Variants in NLRP1 observed in about 807,000 individuals in gnomAD.
NLRP1 encodes the protein NACHT, LRR and PYD domains-containing protein 1.
Under a neutral mutation model 136.7 loss-of-function variants are expected in NLRP1, and 94 were observed. The ratio of observed to expected loss-of-function variants is 0.69; its 90% confidence interval spans 0.58 to 0.82. NLRP1 has a LOEUF of 0.82. Ranked by LOEUF, NLRP1 falls within the 40% of genes least tolerant of loss-of-function variation. The pLI is 0.00. For missense variants in NLRP1, 1,575 were observed against 1,802.7 expected (o/e 0.87, Z 2.29); for synonymous variants, 690 against 725.1 (o/e 0.95, Z 0.78).
chr17:5,503,294 C>T (rs1907178640), intron 15 of NLRP1: 1 of 152,122 alleles, frequency 6.6e-6, no homozygotes, highest in East Asian at 1.9e-4. Context: ...CCCAAACCTA[C>T]CTATGCAGCT....
In NLRP1 at chr17:5,581,902, C is replaced by G. The variant is rs764778140; in HGVS notation, c.609G>C (p.Gly203=). The G allele has an allele frequency of 6.2e-7, 1 of 1,613,288 alleles. No individual in the cohort carries two copies. Among genetic ancestry groups the G allele is most frequent in the Non-Finnish European group, 8.5e-7 (1 of 1,179,982 alleles). Reference sequence around the variant, plus strand: ...ACGTTTCATCCAGAGGCCATTGGGTCCCAGGAGCCTCCTGCTCTCTGGGTG... The same window carrying G: ...ACGTTTCATCCAGAGGCCATTGGGTGCCAGGAGCCTCCTGCTCTCTGGGTG... The part of the protein sequence containing the change: ...SLAPREQEAP[G]TQWPLDETSG... The change falls in exon 3 of 17, where the codon GGG becomes GGC. Residue 203 remains glycine, a synonymous_variant. Coordinates refer to ENST00000572272, the MANE Select transcript of NLRP1 (RefSeq NM_033004.4).
At chr17:5,569,077 A>G (rs184852737) in intron 3 of NLRP1, among the ~76,000 whole-genome samples, 73 of 152,310 alleles carry the variant, frequency 4.8e-4, no homozygotes, top group Admixed American at 2.4e-3. Flanking sequence ...GCAAATGCTA[A>G]GGGAATTTAT....
At chr17:5,516,894 G>C (rs1356615850) in intron 15 of NLRP1, among the ~76,000 whole-genome samples, 1 of 152,198 alleles carries the variant, frequency 6.6e-6, no homozygotes, top group African/African-American at 2.4e-5. Flanking sequence ...GCTGACTAGG[G>C]ATGGTTGTCC....
At chr17:5,531,005 G>A (rs1257746729) in intron 11 of NLRP1, among the ~76,000 whole-genome samples, 1 of 152,178 alleles carries the variant, frequency 6.6e-6, no homozygotes, top group Non-Finnish European at 1.5e-5. Context: ...ACACGCCTGG[G>A]AGCTGTGAAC....
intron 2 of NLRP1, 87 bp from the exon 3 acceptor site, chr17:5,582,149 G>A (rs1905734746): frequency 9.7e-7 from 1 of 1,026,254 alleles, no homozygotes; most frequent in East Asian, 2.6e-5. Context: ...CAACAGTCCT[G>A]AGAGATGGGT....
intron 15 of NLRP1, among the ~76,000 whole-genome samples, chr17:5,508,929 G>A (rs1907489649): frequency 6.6e-6 from 1 of 152,158 alleles, no homozygotes; most frequent in African/African-American, 2.4e-5. Flanking sequence ...ATTAGTTTCT[G>A]TGCAACAAGG....
intron 3 of NLRP1, among the ~76,000 whole-genome samples, chr17:5,579,389 G>A (rs1295951044): frequency 6.6e-6 from 1 of 151,794 alleles, no homozygotes; most frequent in African/African-American, 2.4e-5. Context: ...CCCATAATGA[G>A]GTACTATTCT....
rs779427210 is a variant in NLRP1, at chr17:5,530,452, C to T, written c.3520+29G>A. 6 of 1,590,200 alleles carry T rather than the reference C, an allele frequency of 3.8e-6. No individual in the cohort carries two copies. The Admixed American group carries it at 5.0e-5, about 13-fold the overall frequency. ...CTTTCAGGCCCATAATTACCACCAC[C>T]TTCCTCCCTATCCTTCCCTGTTGTT... On this transcript the variant is annotated intron_variant, in intron 12 of 16. Coordinates refer to ENST00000572272, the MANE Select transcript of NLRP1 (RefSeq NM_033004.4).
Position 5,583,826 on chromosome 17 carries a change from C to T in NLRP1, c.132G>A (p.Gln44=). 1 of 1,564,510 alleles carries T rather than the reference C, an allele frequency of 6.4e-7. No homozygotes were observed. Among genetic ancestry groups the T allele is most frequent in the Non-Finnish European group, 8.7e-7 (1 of 1,153,082 alleles). The change falls in exon 1 of 17, where the codon CAG becomes CAA. Residue 44 remains glutamine, a synonymous_variant. Transcript: ENST00000572272. This position sits in a 1 kb window ranked among gnomAD's most constrained non-coding sequence, Gnocchi z 4.5. ...CCTCCATGCCACTCGTCTTCTCTGG[C>T]TGAGCGGGTGTCTCACCCGAAGAGC... ...SRSSSGETPA[Q]PEKTSGMEVA...
downstream of NLRP1, chr17:5,512,174 C>G (rs986184140): frequency 5.0e-5 from 54 of 1,090,192 alleles, no homozygotes; most frequent in East Asian, 1.2e-3. Flanking sequence ...TTCTCACTTT[C>G]AGGGCAATCT....
At chr17:5,509,367 G>T (rs2151728617), downstream of NLRP1, among the ~76,000 whole-genome samples, 1 of 152,184 alleles carries the variant, frequency 6.6e-6, no homozygotes, top group African/African-American at 2.4e-5. Flanking sequence ...CCAGGACTGG[G>T]GCCTGGACCA....
intron 11 of NLRP1, among the ~76,000 whole-genome samples, chr17:5,532,296 A>G (rs755507964): frequency 6.6e-6 from 1 of 152,160 alleles, no homozygotes; most frequent in Non-Finnish European, 1.5e-5. Flanking sequence ...AACTATAAGA[A>G]CATGTTTTAG....
In NLRP1 at chr17:5,541,381, C is replaced by G. The variant is rs914432693; in HGVS notation, c.2699+476G>C. 6.6e-6 allele frequency among the ~76,000 whole-genome samples: 1 copy of G among 152,100 alleles called. No individual in the cohort carries two copies. Among genetic ancestry groups the G allele is most frequent in the Non-Finnish European group, 1.5e-5 (1 of 68,030 alleles). Reference sequence around the variant, plus strand: ...TGGTGGCGGGGGGGATGGCTCTGTCCCCTCGGATGAGATAGTAAATCGAAC... The same window carrying G: ...TGGTGGCGGGGGGGATGGCTCTGTCGCCTCGGATGAGATAGTAAATCGAAC... On this transcript the variant is annotated intron_variant, in intron 6 of 16. Transcript: ENST00000572272. The surrounding 1 kb of genome is among the most constrained non-coding windows in gnomAD (Gnocchi z 4.2).
chr17:5,526,765 G>A (rs936337470), intron 12 of NLRP1, among the ~76,000 whole-genome samples: 1 of 152,224 alleles, frequency 6.6e-6, no homozygotes, highest in African/African-American at 2.4e-5. Flanking sequence ...TGAATGAAGA[G>A]CTCCGCGCTT....
At chr17:5,545,453 G>A (rs549475005) in intron 5 of NLRP1, among the ~76,000 whole-genome samples, 5 of 123,382 alleles carry the variant, frequency 4.1e-5, no homozygotes, top group Non-Finnish European at 7.9e-5. Flanking sequence ...TTGACACACA[G>A]ACACACATAC....
exon 16 of NLRP1, chr17:5,501,674 G>T: frequency 1.6e-6 from 1 of 634,068 alleles, no homozygotes; most frequent in Non-Finnish European, 2.8e-6. Flanking sequence ...TGAGCATCTC[G>T]CATATGATTA....
chr17:5,537,314 T>C lies in NLRP1; in HGVS notation c.2871-374A>G, dbSNP rs1046684399. Among the ~76,000 whole-genome samples, 2 of 152,176 alleles carry C rather than the reference T, an allele frequency of 1.3e-5. No individual in the cohort carries two copies. The highest frequency in any genetic ancestry group is 4.8e-5 in the African/African-American group (2 of 41,450). ...GCCTCCCCAGGAAGGAGATGTGGCC[T>C]TGGGTGAGGTGGCTCTCACTGGCAG... is the stretch of plus-strand genomic sequence containing the variant. On this transcript the variant is annotated intron_variant, in intron 7 of 16. Transcript: ENST00000572272. The surrounding 1 kb of genome is among the most constrained non-coding windows in gnomAD (Gnocchi z 4.5).
chr17:5,521,501 G>C (rs771733583), intron 13 of NLRP1, 23 bp downstream of exon 13: 17 of 1,606,330 alleles, frequency 1.1e-5, no homozygotes, highest in Non-Finnish European at 1.4e-5. Flanking sequence ...CCGTGGCCCA[G>C]CCTTTCTGGC....
intron 15 of NLRP1, among the ~76,000 whole-genome samples, chr17:5,508,751 A>C (rs1038960394): frequency 7.9e-5 from 12 of 152,234 alleles, no homozygotes; most frequent in Non-Finnish European, 1.3e-4. Context: ...AAGTCAAAAA[A>C]ACAAGGTTTA....
Sources: allele counts gnomAD v4.1 joint callset (sites outside exome capture counted in the v4.1 genomes callset), GRCh38; gene constraint gnomAD v4.1.1; non-coding constraint Gnocchi (gnomAD v3.1); transcripts MANE v1.5; gene names NCBI Gene and HGNC (gene_info 2026-07-23, HGNC 2026-07-21).